The following CALN1 variants were observed in gnomAD, a reference collection of about 807,000 sequenced individuals.
CALN1 encodes the protein calcium-binding protein 8.
CALN1 carries 17 observed loss-of-function variants against 30.6 expected under a neutral mutation model. The ratio of observed to expected loss-of-function variants is 0.56; its 90% CI spans 0.38 to 0.83. The LOEUF (loss-of-function observed/expected upper bound fraction) is 0.83, where lower values mean the gene tolerates loss of function less well. Among genes scored for constraint, CALN1 ranks in the 40% least tolerant of loss-of-function variants. The pLI is 0.00. For missense variants in CALN1, 291 were observed against 354.9 expected, an observed-to-expected ratio of 0.82 and a Z score of 1.45; for synonymous variants, 156 against 131.4, an observed-to-expected ratio of 1.19 and a Z score of -1.28.
In CALN1 at chr7:72,197,178, C is replaced by CTTTTTT. The variant is rs386410439; in HGVS notation, c.244+81502_244+81507dup. 3.3e-3 allele frequency among the ~76,000 whole-genome samples: 214 copies of CTTTTTT among 64,218 alleles called. 28 individuals carry two copies. The highest frequency in any genetic ancestry group is 0.023 in the East Asian group (41 of 1,800). 42.1% of individuals were successfully genotyped at this position (64,218 alleles called of 152,430 possible). On this transcript the variant is annotated intron_variant, in intron 3 of 6. Coordinates refer to ENST00000395275, the MANE Select transcript of CALN1 (RefSeq NM_031468.4). ...TTTTCATTGTCAAATGGAAGGTTTG[C>CTTTTTT]TTTTTTTTTTTTTTTTTTTTTTTTG...
At chr7:72,338,469 C>CTGTGTGTGTGTG (rs1562903665) in intron 2 of CALN1, among the ~76,000 whole-genome samples, 4 of 41,980 alleles carry the variant, frequency 9.5e-5, no homozygotes, top group African/African-American at 1.5e-4. Context: ...GCCAGCAGCA[C>CTGTGTGTGTGTG]AGTGTGTGTG....
chr7:71,960,601 A>G (rs991966888), intron 5 of CALN1, among the ~76,000 whole-genome samples: 1 of 152,098 alleles, frequency 6.6e-6, no homozygotes. Context: ...GGTTGATTCC[A>G]TATCTTTGCT....
At chr7:72,010,667 C>CCAG (rs977186168) in intron 5 of CALN1, among the ~76,000 whole-genome samples, 3 of 151,566 alleles carry the variant, frequency 2.0e-5, no homozygotes, top group Non-Finnish European at 4.4e-5. Flanking sequence ...CAAAAATTAG[C>CCAG]CAGCATGTGG....
chr7:72,439,036 G>A (rs777819400), intron 1 of CALN1, among the ~76,000 whole-genome samples: 4 of 152,066 alleles, frequency 2.6e-5, no homozygotes, highest in Admixed American at 6.6e-5. Context: ...ATCTGCATAC[G>A]ACTTTTTCTT....
At chr7:72,209,210 TTCCTTCCC>T (rs1792154353) in intron 3 of CALN1, among the ~76,000 whole-genome samples, 2 of 60,002 alleles carry the variant, frequency 3.3e-5, no homozygotes, top group Non-Finnish European at 7.2e-5. Flanking sequence ...CCTTCCCTCC[TTCCTTCCC>T]TCCTTCCCTC....
intron 5 of CALN1, among the ~76,000 whole-genome samples, chr7:71,922,607 A>G (rs959321695): frequency 6.4e-5 from 9 of 139,828 alleles, no homozygotes; most frequent in African/African-American, 2.1e-4. Flanking sequence ...TAAATATATA[A>G]CACACAGAAT....
chr7:72,280,457 G>C (rs531072754), intron 2 of CALN1, among the ~76,000 whole-genome samples: 1 of 152,314 alleles, frequency 6.6e-6, no homozygotes, highest in South Asian at 2.1e-4. Flanking sequence ...TTACAAGTGA[G>C]ATGTTTCCAA....
intron 4 of CALN1, among the ~76,000 whole-genome samples, chr7:72,078,877 C>T (rs1002677476): frequency 2.6e-5 from 4 of 151,944 alleles, no homozygotes; most frequent in Admixed American, 6.6e-5. Flanking sequence ...TGGAGGTTGC[C>T]GTGATCACGC....
chr7:72,262,675 G>A (rs1377336813), intron 3 of CALN1, among the ~76,000 whole-genome samples: 2 of 152,158 alleles, frequency 1.3e-5, no homozygotes, highest in African/African-American at 4.8e-5. Context: ...TGCTGCAAAG[G>A]ACATGATTTC....
rs374891971 is a variant in CALN1, at chr7:72,032,336, G to A, written c.389-8567C>T. Among the ~76,000 whole-genome samples, 364 of 152,180 alleles carry A rather than the reference G, an allele frequency of 2.4e-3. 1 individual carries two copies. Among genetic ancestry groups the A allele is most frequent in the African/African-American group, 8.2e-3 (342 of 41,540 alleles). Reference sequence around the variant, plus strand: ...GCTGGGATTACAGGCATGAGCCACCGCGCCCAGCTACTCCTGGCTAATTTT... The same window carrying A: ...GCTGGGATTACAGGCATGAGCCACCACGCCCAGCTACTCCTGGCTAATTTT... On this transcript the variant is annotated intron_variant, in intron 4 of 6. Coordinates refer to ENST00000395275, the MANE Select transcript of CALN1 (RefSeq NM_031468.4).
intron 4 of CALN1, among the ~76,000 whole-genome samples, chr7:72,058,966 T>G (rs964422978): frequency 6.6e-6 from 1 of 152,182 alleles, no homozygotes; most frequent in Non-Finnish European, 1.5e-5. Flanking sequence ...TCGTTGAAGA[T>G]TCAAGGTTTT....
intron 4 of CALN1, among the ~76,000 whole-genome samples, chr7:72,078,781 C>A (rs1390899090): frequency 4.6e-5 from 7 of 152,086 alleles, no homozygotes; most frequent in Non-Finnish European, 1.0e-4. Flanking sequence ...ACTAAAAATA[C>A]AAAAATTAGT....
intron 2 of CALN1, among the ~76,000 whole-genome samples, chr7:72,352,269 G>C (rs556254526): frequency 6.6e-5 from 10 of 151,772 alleles, no homozygotes; most frequent in Non-Finnish European, 8.8e-5. Context: ...CATGCCTGTA[G>C]TCCCAGCTAC....
At chr7:72,354,610 C>T (rs143339950) in intron 2 of CALN1, among the ~76,000 whole-genome samples, 1 of 152,228 alleles carries the variant, frequency 6.6e-6, no homozygotes, top group East Asian at 1.9e-4. Flanking sequence ...AGCAAAGGAA[C>T]AGAAATGATT....
rs992516596 is a variant in CALN1, at chr7:72,148,412, T to TA, written c.245-42119dup. ...GCAAGACCCCATCTCTACAAAAAAG[T>TA]AAAAAAAAGAAAAAAAAGAAAAAAG... On this transcript the variant is annotated intron_variant, in intron 3 of 6. Transcript: ENST00000395275. 8.7e-5 allele frequency among the ~76,000 whole-genome samples: 11 copies of TA among 126,330 alleles called. No individual in the cohort carries two copies. In the South Asian group the frequency reaches 1.1e-3, roughly 12 times the overall value. 82.9% of individuals were successfully genotyped at this position (126,330 alleles called of 152,430 possible). A position where few individuals can be genotyped will look rare whatever the true frequency, so the allele number is the denominator to read the frequency against.
At chr7:71,881,414 T>G (rs1468599595) in intron 5 of CALN1, among the ~76,000 whole-genome samples, 1 of 152,168 alleles carries the variant, frequency 6.6e-6, no homozygotes, top group Non-Finnish European at 1.5e-5. Flanking sequence ...TACACTAGCT[T>G]ATCAGCAAGT....
At chr7:72,302,486 C>A (rs1799340244) in intron 2 of CALN1, among the ~76,000 whole-genome samples, 1 of 152,136 alleles carries the variant, frequency 6.6e-6, no homozygotes, top group African/African-American at 2.4e-5. Context: ...AAGACAGAGG[C>A]TTAGAAAGTT....
At chr7:72,427,888 G>A (rs544156754) in intron 1 of CALN1, among the ~76,000 whole-genome samples, 4 of 152,182 alleles carry the variant, frequency 2.6e-5, no homozygotes, top group East Asian at 1.9e-4. Flanking sequence ...TGACTGTTGC[G>A]TGGTCCAGCT....
chr7:72,024,408 G>T (rs1017269023), intron 4 of CALN1, among the ~76,000 whole-genome samples: 4 of 151,870 alleles, frequency 2.6e-5, no homozygotes, highest in African/African-American at 9.7e-5. Context: ...CACTTTTTTT[G>T]TTGTTTTTGA....
Sources: gnomAD v4.1 joint callset for allele counts (sites outside exome capture counted in the v4.1 genomes callset) on GRCh38, gnomAD v4.1.1 for gene constraint, MANE v1.5 for transcripts, NCBI Gene and HGNC (gene_info 2026-07-23, HGNC 2026-07-21) for gene names.